CAMTA1: variants seen among roughly 807,000 people sequenced by gnomAD.
The protein encoded by CAMTA1 is calmodulin binding transcription activator 1.
CAMTA1 carries 27 observed loss-of-function variants against 170.9 expected under a neutral mutation model. The ratio of observed to expected loss-of-function variants is 0.16; its 90% CI spans 0.12 to 0.22. The LOEUF is 0.22. Among genes scored for constraint, CAMTA1 ranks in the 10% least tolerant of loss-of-function variants. CAMTA1 has a pLI of 1.00. For missense variants in CAMTA1, 1,619 were observed against 2,217.2 expected (o/e 0.73, Z 5.42); for synonymous variants, 833 against 891.5 (o/e 0.93, Z 1.17).
At chr1:6,880,947 AAAAT>A (rs764533577) in intron 3 of CAMTA1, among the ~76,000 whole-genome samples, 43 of 152,344 alleles carry the variant, frequency 2.8e-4, no homozygotes, top group Admixed American at 1.7e-3. Context: ...AACAAAAACA[AAAAT>A]AAATAACAGT....
In CAMTA1 at chr1:6,825,081, C is replaced by T. The variant is rs1478822673; in HGVS notation, c.116-11C>T. 10 of 1,442,246 alleles carry T rather than the reference C, an allele frequency of 6.9e-6. No homozygotes were observed. The highest frequency in any genetic ancestry group is 5.7e-5 in the African/African-American group (4 of 70,110). 89.3% of individuals were successfully genotyped at this position (1,442,246 alleles called of 1,614,324 possible). On this transcript the variant is annotated splice_polypyrimidine_tract_variant and intron_variant, in intron 2 of 22. Coordinates refer to ENST00000303635, the MANE Select transcript of CAMTA1 (RefSeq NM_015215.4). ...TTATTTTCTCTAAATTTATTGTTTT[C>T]TTCTTTGTAGATGATCATGGGAACA...
intron 11 of CAMTA1, among the ~76,000 whole-genome samples, chr1:7,725,789 T>C (rs1404557666): frequency 6.6e-6 from 1 of 152,170 alleles, no homozygotes; most frequent in African/African-American, 2.4e-5. Flanking sequence ...GGCCCAGCAG[T>C]CTGTCTTAAG....
rs534533541 is a variant in CAMTA1, at chr1:7,023,711, G to T, written c.235-67593G>T. Among the ~76,000 whole-genome samples, 23 of 152,248 alleles carry T rather than the reference G, an allele frequency of 1.5e-4. 1 individual carries two copies. In the South Asian group the frequency reaches 2.5e-3, roughly 16 times the overall value. On this transcript the variant is annotated intron_variant, in intron 3 of 22. Transcript: ENST00000303635. ...TTCTAATAGATGGGGATAAACAAAAGAATAGACATATTTGCTAAAGAATGA... is the reference window on the plus strand; with the variant it reads ...TTCTAATAGATGGGGATAAACAAAATAATAGACATATTTGCTAAAGAATGA...
chr1:7,692,080 C>T (rs1261037069), intron 11 of CAMTA1, among the ~76,000 whole-genome samples: 2 of 152,076 alleles, frequency 1.3e-5, no homozygotes, highest in Non-Finnish European at 2.9e-5. Flanking sequence ...TCCAGCCACC[C>T]GGATATCCTC....
At chr1:6,799,928 G>C (rs771014067) in intron 1 of CAMTA1, among the ~76,000 whole-genome samples, 15 of 152,136 alleles carry the variant, frequency 9.9e-5, no homozygotes, top group Non-Finnish European at 1.5e-4. Flanking sequence ...TTGCTTTCCT[G>C]ATATTCAGCT....
At chr1:7,550,439 C>A (rs2094783028) in intron 6 of CAMTA1, among the ~76,000 whole-genome samples, 1 of 151,964 alleles carries the variant, frequency 6.6e-6, no homozygotes. Flanking sequence ...CCCAGCCACT[C>A]CCACCCGGCT....
intron 3 of CAMTA1, among the ~76,000 whole-genome samples, chr1:6,886,743 G>A (rs1233142161): frequency 6.6e-6 from 1 of 152,222 alleles, no homozygotes; most frequent in Non-Finnish European, 1.5e-5. Context: ...CATGAGCACA[G>A]TGTGGAGTGT....
At position 6,971,726 on chromosome 1, in the gene CAMTA1, T is replaced by G. The variant is rs1188351249; in HGVS notation, c.235-119578T>G. On this transcript the variant is annotated intron_variant, in intron 3 of 22. Coordinates refer to ENST00000303635, the MANE Select transcript of CAMTA1 (RefSeq NM_015215.4). The surrounding 1 kb of genome is among the most constrained non-coding windows in gnomAD (Gnocchi z 4.6). ...CCTCCATGCTTATTAGGTAAGTGATTGGTGTGGATTCCTGCTCTCCGAAGG... is the reference window on the plus strand; with the variant it reads ...CCTCCATGCTTATTAGGTAAGTGATGGGTGTGGATTCCTGCTCTCCGAAGG... Among the ~76,000 whole-genome samples, 1 of 152,166 alleles carries G rather than the reference T, an allele frequency of 6.6e-6. No individual in the cohort carries two copies. Among genetic ancestry groups the G allele is most frequent in the Non-Finnish European group, 1.5e-5 (1 of 68,042 alleles).
intron 5 of CAMTA1, among the ~76,000 whole-genome samples, chr1:7,446,955 T>C (rs779393256): frequency 1.3e-5 from 2 of 152,158 alleles, no homozygotes; most frequent in Non-Finnish European, 2.9e-5. Flanking sequence ...ACCGTCTTTC[T>C]TACCTCCCAG....
In CAMTA1 at chr1:7,426,574, A is replaced by G. The variant is rs1027566093; in HGVS notation, c.439-41256A>G. Among the ~76,000 whole-genome samples the G allele has an allele frequency of 2.0e-5, 3 of 152,192 alleles. No individual in the cohort carries two copies. The highest frequency in any genetic ancestry group is 7.2e-5 in the African/African-American group (3 of 41,436). The stretch of plus-strand genomic sequence containing the variant: ...CGTTTAAAAGATTAACTTTAGTGAA[A>G]GCTTCGAGGTTTGGCAAATCCATAA... On this transcript the variant is annotated intron_variant, in intron 5 of 22. Transcript: ENST00000303635. This position sits in a 1 kb window ranked among gnomAD's most constrained non-coding sequence, Gnocchi z 4.8.
chr1:7,689,203 G>A (rs556080831), intron 11 of CAMTA1, among the ~76,000 whole-genome samples: 27 of 143,740 alleles, frequency 1.9e-4, no homozygotes, highest in African/African-American at 6.3e-4. Context: ...GGAGGCAGAG[G>A]TTGCAATGAG....
chr1:7,138,460 A>G (rs1299916467), intron 4 of CAMTA1, among the ~76,000 whole-genome samples: 1 of 152,260 alleles, frequency 6.6e-6, no homozygotes, highest in African/African-American at 2.4e-5. Context: ...ATTTTTATGG[A>G]TAATTAGAAA....
intron 4 of CAMTA1, among the ~76,000 whole-genome samples, chr1:7,104,365 CACAT>C (rs892650613): frequency 4.5e-4 from 37 of 81,452 alleles, no homozygotes; most frequent in African/African-American, 1.8e-3. Context: ...ATACTCAATA[CACAT>C]ACACACACAC....
chr1:7,226,319 T>A (rs2149166532), intron 4 of CAMTA1, among the ~76,000 whole-genome samples: 1 of 152,300 alleles, frequency 6.6e-6, no homozygotes, highest in African/African-American at 2.4e-5. Flanking sequence ...TGATTTCCAC[T>A]TGCCTTCAGG....
intron 6 of CAMTA1, among the ~76,000 whole-genome samples, chr1:7,628,694 G>T (rs183316945): frequency 6.6e-6 from 1 of 152,364 alleles, no homozygotes; most frequent in East Asian, 1.9e-4. Flanking sequence ...GCCTAATGGG[G>T]CACAGTTCTG....
rs1235158829 is a variant in CAMTA1, at chr1:7,300,390, A to G, written c.438+50764A>G. On this transcript the variant is annotated intron_variant, in intron 5 of 22. Coordinates refer to ENST00000303635, the MANE Select transcript of CAMTA1 (RefSeq NM_015215.4). This position sits in a 1 kb window ranked among gnomAD's most constrained non-coding sequence, Gnocchi z 4.1. Reference sequence around the variant, plus strand: ...CTCCATGAATTGTTTAGAAAATTGTATAGAGGCCAGGCGCAGTGGCTCACG... The same window carrying G: ...CTCCATGAATTGTTTAGAAAATTGTGTAGAGGCCAGGCGCAGTGGCTCACG... 1.3e-5 allele frequency among the ~76,000 whole-genome samples: 2 copies of G among 152,196 alleles called. No homozygotes were observed. The highest frequency in any genetic ancestry group is 4.8e-5 in the African/African-American group (2 of 41,446).
intron 1 of CAMTA1, among the ~76,000 whole-genome samples, chr1:6,813,794 C>T (rs1207584825): frequency 2.0e-5 from 3 of 152,018 alleles, no homozygotes; most frequent in African/African-American, 7.2e-5. Flanking sequence ...CAGTCTCTTG[C>T]TTTTGTCTCA....
intron 3 of CAMTA1, among the ~76,000 whole-genome samples, chr1:6,839,072 G>A (rs948762213): frequency 3.3e-5 from 5 of 151,806 alleles, no homozygotes; most frequent in African/African-American, 9.7e-5. Flanking sequence ...TATGTTTATC[G>A]ACTGTTTATT....
At chr1:7,231,378 TA>T (rs1229267294) in intron 4 of CAMTA1, among the ~76,000 whole-genome samples, 1 of 149,442 alleles carries the variant, frequency 6.7e-6, no homozygotes, top group Non-Finnish European at 1.5e-5. Context: ...AGAGAGGTTT[TA>T]TTTTTTTTGA....
Sources: allele counts gnomAD v4.1 joint callset (sites outside exome capture counted in the v4.1 genomes callset), GRCh38; gene constraint gnomAD v4.1.1; non-coding constraint Gnocchi (gnomAD v3.1); transcripts MANE v1.5; gene names NCBI Gene and HGNC (gene_info 2026-07-23, HGNC 2026-07-21).